The following DIS3L2 variants were observed in gnomAD, a reference collection of about 807,000 sequenced individuals.
DIS3L2 encodes DIS3-like exonuclease 2.
In DIS3L2, 34 loss-of-function variants were observed where a neutral mutation model predicts 97.5. The ratio of observed to expected loss-of-function variants is 0.35; its 90% confidence interval spans 0.27 to 0.46. DIS3L2 has a LOEUF of 0.46. Ranked by LOEUF, DIS3L2 falls within the 20% of genes least tolerant of loss-of-function variation. The pLI, the probability that DIS3L2 is intolerant of heterozygous loss-of-function variation, is 1.00. For synonymous variants in DIS3L2, 435 were observed against 445.2 expected (o/e 0.98, Z 0.29); for missense variants, 1,038 against 1,146.0 (o/e 0.91, Z 1.36).
chr2:232,088,561 C>CA (rs748097006), intron 6 of DIS3L2, among the ~76,000 whole-genome samples: 1,822 of 122,544 alleles, frequency 0.015, 16 homozygotes, highest in Non-Finnish European at 0.02. Flanking sequence ...GACTCCGTCT[C>CA]AAAAAAAAAA....
intron 1 of DIS3L2, among the ~76,000 whole-genome samples, chr2:232,005,687 C>A (rs1272667066): frequency 1.3e-5 from 2 of 152,160 alleles, no homozygotes; most frequent in Non-Finnish European, 2.9e-5. Flanking sequence ...GTAGTTGTTT[C>A]TGATTTTTTT....
chr2:231,986,969 A>C (rs138837863), intron 1 of DIS3L2, among the ~76,000 whole-genome samples: 81 of 152,322 alleles, frequency 5.3e-4, no homozygotes, highest in African/African-American at 1.8e-3. Context: ...TTTTAGTTGG[A>C]GTTAAAGTTA....
intron 13 of DIS3L2, among the ~76,000 whole-genome samples, chr2:232,280,407 T>C (rs1694251795): frequency 6.6e-6 from 1 of 152,204 alleles, no homozygotes; most frequent in South Asian, 2.1e-4. Flanking sequence ...CTCCAAACTT[T>C]CTAGATAAGT....
At chr2:232,206,088 T>G (rs563183709) in intron 9 of DIS3L2, among the ~76,000 whole-genome samples, 1 of 152,336 alleles carries the variant, frequency 6.6e-6, no homozygotes, top group Admixed American at 6.5e-5. Context: ...GTGCAGGGCA[T>G]TTCAGTGCAG....
intron 5 of DIS3L2, among the ~76,000 whole-genome samples, chr2:232,031,117 T>C (rs1006096789): frequency 2.5e-4 from 38 of 152,114 alleles, no homozygotes; most frequent in African/African-American, 8.7e-4. Context: ...ACCTACTTCA[T>C]AGGTTTGTCA....
chr2:232,250,561 A>G (rs1201122781), intron 12 of DIS3L2, among the ~76,000 whole-genome samples: 1 of 152,094 alleles, frequency 6.6e-6, no homozygotes, highest in African/African-American at 2.4e-5. Context: ...ATAATTCTAG[A>G]AAGTGGGGGA....
chr2:232,010,873 A>G (rs1694179412), intron 1 of DIS3L2, among the ~76,000 whole-genome samples: 1 of 152,152 alleles, frequency 6.6e-6, no homozygotes, highest in Non-Finnish European at 1.5e-5. Flanking sequence ...ACTAGTATAT[A>G]TTTGTTGTAA....
chr2:232,339,402 C>G (rs373086006), downstream of DIS3L2, among the ~76,000 whole-genome samples: 1 of 152,072 alleles, frequency 6.6e-6, no homozygotes, highest in Non-Finnish European at 1.5e-5. Context: ...GCAGGAGGGG[C>G]TGTGATTGCC....
chr2:232,076,297 A>T (rs1696186088), intron 5 of DIS3L2, among the ~76,000 whole-genome samples: 1 of 152,172 alleles, frequency 6.6e-6, no homozygotes, highest in Non-Finnish European at 1.5e-5. Context: ...GAGACAGGGC[A>T]GTGTAGTGGA....
chr2:232,173,275 T>C (rs1243123172), intron 9 of DIS3L2, among the ~76,000 whole-genome samples: 1 of 152,168 alleles, frequency 6.6e-6, no homozygotes, highest in East Asian at 1.9e-4. Flanking sequence ...GTCTCTGTTA[T>C]CCAGGCTGGA....
At chr2:232,046,315 C>G (rs1164567409) in intron 5 of DIS3L2, among the ~76,000 whole-genome samples, 1 of 152,090 alleles carries the variant, frequency 6.6e-6, no homozygotes, top group Non-Finnish European at 1.5e-5. Flanking sequence ...TATTGCCACT[C>G]AAAGTGTGGT....
At chr2:232,221,459 C>T (rs951505414) in intron 10 of DIS3L2, among the ~76,000 whole-genome samples, 2 of 152,170 alleles carry the variant, frequency 1.3e-5, no homozygotes, top group Non-Finnish European at 2.9e-5. Context: ...ATAAAATCTG[C>T]GCTTTGTATT....
intron 6 of DIS3L2, among the ~76,000 whole-genome samples, chr2:232,126,467 C>G (rs911870981): frequency 2.0e-5 from 3 of 152,222 alleles, no homozygotes; most frequent in Admixed American, 6.5e-5. Flanking sequence ...AGAAAACACC[C>G]TTGACCTCTG....
intron 9 of DIS3L2, among the ~76,000 whole-genome samples, chr2:232,192,436 G>C (rs982956398): frequency 1.3e-5 from 2 of 152,060 alleles, no homozygotes. Context: ...TTAAAAAAAA[G>C]TTGATTAAAA....
chr2:232,062,694 C>T (rs1308638241), intron 5 of DIS3L2, among the ~76,000 whole-genome samples: 1 of 152,084 alleles, frequency 6.6e-6, no homozygotes, highest in African/African-American at 2.4e-5. Context: ...TGGAGATATC[C>T]AGACTCTCCC....
At chr2:232,137,317 G>T (rs1171853330) in intron 8 of DIS3L2, among the ~76,000 whole-genome samples, 1 of 152,190 alleles carries the variant, frequency 6.6e-6, no homozygotes, top group African/African-American at 2.4e-5. Context: ...TTCATCTGAA[G>T]AAACTGCTGG....
At chr2:232,010,191 T>C (rs1694157771) in intron 1 of DIS3L2, among the ~76,000 whole-genome samples, 1 of 152,214 alleles carries the variant, frequency 6.6e-6, no homozygotes. Flanking sequence ...TTTAGCAATG[T>C]CAGTTTTATT....
chr2:232,272,117 C>G (rs563102898), intron 13 of DIS3L2, among the ~76,000 whole-genome samples: 2 of 152,322 alleles, frequency 1.3e-5, no homozygotes, highest in South Asian at 2.1e-4. Context: ...TGTGCTTACT[C>G]TCCTTGTAGG....
At chr2:232,166,134 A>G (rs1356834125) in intron 9 of DIS3L2, among the ~76,000 whole-genome samples, 1 of 150,600 alleles carries the variant, frequency 6.6e-6, no homozygotes, top group Admixed American at 6.6e-5. Flanking sequence ...AGCCAGGCAC[A>G]GTGGTGTGTG....
Sources: allele counts gnomAD v4.1 joint callset (sites outside exome capture counted in the v4.1 genomes callset), GRCh38; gene constraint gnomAD v4.1.1; transcripts MANE v1.5; gene names NCBI Gene and HGNC (gene_info 2026-07-23, HGNC 2026-07-21).